Variants in FSTL3 observed in about 807,000 individuals in gnomAD.
The protein encoded by FSTL3 is follistatin-related protein 3.
A neutral mutation model predicts 28.1 loss-of-function variants in FSTL3; 21 were observed. That is an observed-to-expected ratio of 0.75 (90% CI 0.53 to 1.08). The LOEUF is 1.08. FSTL3 is among the 50% of genes least tolerant of loss of function. The probability of loss-of-function intolerance (pLI) is 0.00; values close to 1 mark genes in which losing one functional copy is unlikely to be tolerated. For missense variants in FSTL3, 400 were observed against 380.9 expected (o/e 1.05, Z -0.42); for synonymous variants, 199 against 164.2 (o/e 1.21, Z -1.62).
Position 676,459 on chromosome 19 carries a change from G to T in FSTL3, c.36G>T (p.Leu12=). ...GGGCGCCAGGGCCACTCTGGCCTCT[G>T]CCCTGGGGGGCCCTGGCTTGGGCCG... ...RPGAPGPLWP[L]PWGALAWAVG... Residue 12 remains leucine, a synonymous_variant, in exon 1 of 5, where the codon CTG becomes CTT. Transcript: ENST00000166139. 8.3e-7 allele frequency: 1 copy of T among 1,204,100 alleles called. No homozygotes were observed. 74.6% of individuals were successfully genotyped at this position (1,204,100 alleles called of 1,614,324 possible). A position where few individuals can be genotyped will look rare whatever the true frequency, so the allele number is the denominator to read the frequency against.
intron 3 of FSTL3, chr19:681,013 G>C (rs2031321484): frequency 9.8e-6 from 4 of 408,944 alleles, no homozygotes; most frequent in Non-Finnish European, 1.8e-5. Flanking sequence ...CGTGGTTCCT[G>C]GGTGGAGATG....
chr19:680,686 G>C (rs2031313451), intron 3 of FSTL3, 197 bp downstream of exon 3: 5 of 347,264 alleles, frequency 1.4e-5, no homozygotes, highest in South Asian at 1.3e-4. Flanking sequence ...GAGGGGCGGG[G>C]CCTGCTGGAG....
Position 681,693 on chromosome 19 carries a change from A to G in FSTL3, c.777A>G (p.Glu259=), listed in dbSNP as rs141034844. The change falls in exon 5 of 5, where the codon GAA becomes GAG. Residue 259 remains glutamate (E), a synonymous_variant. Transcript: ENST00000166139. The part of the protein sequence containing the change: ...EPPGGESAEE[E]ENFV ...CAGGTGGTGAGTCTGCAGAAGAGGA[A>G]GAGAACTTCGTGTGAGCCTGCAGGA... 1 of 1,562,652 alleles carries G rather than the reference A, an allele frequency of 6.4e-7. No individual in the cohort carries two copies. The highest frequency in any genetic ancestry group is 2.4e-5 in the East Asian group (1 of 42,028).
chr19:679,255 G>A (rs2031274700), intron 2 of FSTL3, among the ~76,000 whole-genome samples: 1 of 152,140 alleles, frequency 6.6e-6, no homozygotes, highest in Admixed American at 6.5e-5. Context: ...CACCCTGGCC[G>A]AGCATTTCCA....
chr19:680,252 C>T (rs1444447651), intron 2 of FSTL3, 22 bp from the exon 3 acceptor site: 5 of 1,327,082 alleles, frequency 3.8e-6, no homozygotes, highest in South Asian at 3.5e-5. Flanking sequence ...CCCGGCCCCA[C>T]GCGCGTGTCC....
In FSTL3 at chr19:681,773, C is replaced by A; in HGVS notation, c.*65C>A. 3 of 1,356,996 alleles carry A rather than the reference C, an allele frequency of 2.2e-6. No individual in the cohort carries two copies. Among genetic ancestry groups the A allele is most frequent in the Non-Finnish European group, 3.1e-6 (3 of 973,142 alleles). 84.1% of individuals were successfully genotyped at this position (1,356,996 alleles called of 1,614,324 possible). On this transcript the variant is annotated 3_prime_UTR_variant, in exon 5 of 5. Coordinates refer to ENST00000166139, the MANE Select transcript of FSTL3 (RefSeq NM_005860.3). ...CATCATCCCCTGTTATTTATTGCCACAGCAGAGTCTAATTTATATGCCACG... is the reference window on the plus strand; with the variant it reads ...CATCATCCCCTGTTATTTATTGCCAAAGCAGAGTCTAATTTATATGCCACG...
In FSTL3 at chr19:681,242, CT is replaced by C. The variant is rs989493592; in HGVS notation, c.506-89del. The C allele has an allele frequency of 4.6e-5, 42 of 906,940 alleles. No homozygotes were observed. In the Admixed American group the frequency reaches 1.1e-3, roughly 23 times the overall value. The allele number at this position is 906,940 out of a possible 1,614,324, so 56.2% of individuals were successfully genotyped here. On this transcript the variant is annotated intron_variant, in intron 3 of 4. Coordinates refer to ENST00000166139, the MANE Select transcript of FSTL3 (RefSeq NM_005860.3). The stretch of plus-strand genomic sequence containing the variant: ...GTCTCCTACCAGAGGGTTTTCGCAT[CT>C]TGGGGGTTAAGGGTGGGTCTTGGGG...
rs1600662552 is a variant in FSTL3 at position 683,017 on chromosome 19, C to T, written c.*1309C>T. Reference sequence around the variant, plus strand: ...AGACCCAGACTCCAGCCAGACCTGCCTCACCCACCAATGCAGCCGGGGCTG... The same window carrying T: ...AGACCCAGACTCCAGCCAGACCTGCTTCACCCACCAATGCAGCCGGGGCTG... On this transcript the variant is annotated 3_prime_UTR_variant, in exon 5 of 5. Coordinates refer to ENST00000166139, the MANE Select transcript of FSTL3 (RefSeq NM_005860.3). 3.4e-5 allele frequency: 8 copies of T among 233,292 alleles called. No homozygotes were observed. In the East Asian group the frequency reaches 4.8e-4, roughly 14 times the overall value. 14.5% of individuals were successfully genotyped at this position (233,292 alleles called of 1,614,324 possible).
intron 3 of FSTL3, chr19:680,828 G>A: frequency 3.9e-6 from 1 of 258,572 alleles, no homozygotes; most frequent in Non-Finnish European, 7.4e-6. Context: ...GTCTTTTGTA[G>A]GGTTGGGATT....
chr19:677,445 G>A (rs902103598), intron 1 of FSTL3, among the ~76,000 whole-genome samples: 2 of 152,008 alleles, frequency 1.3e-5, no homozygotes, highest in African/African-American at 4.8e-5. Flanking sequence ...AGGGCCTGCT[G>A]ACCCTGACAT....
At chr19:680,220 C>T in intron 2 of FSTL3, 54 bp from the exon 3 acceptor site, 1 of 1,205,126 alleles carries the variant, frequency 8.3e-7, no homozygotes, top group South Asian at 2.1e-5. Flanking sequence ...TCGCGCGGCC[C>T]CACGCCCGGG....
At position 681,442 on chromosome 19, in the gene FSTL3, C is replaced by A; in HGVS notation, c.615C>A (p.Ser205Arg). Residue 205 changes from serine (S) to arginine (R), a missense_variant, in exon 4 of 5, where the codon AGC becomes AGA. Transcript: ENST00000166139. ...CRAAPCPVPSSPGQELCGNNN... is the reference protein window; with the variant it reads ...CRAAPCPVPSRPGQELCGNNN... ...CGGCGCCCTGCCCTGTGCCCTCCAG[C>A]CCCGGCCAGGAGCTTTGCGGCAACA... 1 of 1,599,074 alleles carries A rather than the reference C, an allele frequency of 6.3e-7. No homozygotes were observed. The highest frequency in any genetic ancestry group is 8.5e-7 in the Non-Finnish European group (1 of 1,179,274).
intron 2 of FSTL3, chr19:680,006 C>CCCG (rs1555683202): frequency 6.2e-5 from 13 of 208,706 alleles, no homozygotes; most frequent in African/African-American, 2.4e-4. Context: ...CAGAGACCCC[C>CCCG]CCCCGCCCCG....
rs1719351966 is a variant in FSTL3 at position 677,848 on chromosome 19, A to G, written c.160A>G (p.Thr54Ala). 6.2e-7 allele frequency: 1 copy of G among 1,612,760 alleles called. No individual in the cohort carries two copies. The highest frequency in any genetic ancestry group is 1.7e-5 in the Admixed American group (1 of 60,002). Residue 54 changes from threonine (T) to alanine (A), a missense_variant, in exon 2 of 5, where the codon ACT becomes GCT. By Grantham distance (58) the Thr-to-Ala change is moderately conservative (BLOSUM62 0). Transcript: ENST00000166139. ...QEATCSLVLQ[T>A]DVTRAECCAS... is the part of the protein sequence containing the mutation. ...GGCCACCTGCAGCCTGGTGCTCCAG[A>G]CTGATGTCACCCGGGCCGAGTGCTG...
intron 2 of FSTL3, among the ~76,000 whole-genome samples, chr19:679,466 A>G (rs1309476440): frequency 6.6e-6 from 1 of 151,870 alleles, no homozygotes; most frequent in Non-Finnish European, 1.5e-5. Flanking sequence ...GCCCTACCAG[A>G]CCCCCAGATA....
In FSTL3 at chr19:682,665, C is replaced by T. The variant is rs2031365854; in HGVS notation, c.*957C>T. Reference sequence around the variant, plus strand: ...CACGGGCTGTGCTTGGCCACAGAACCACCCAGCGTCTCCCCTGCTGCTGTC... The same window carrying T: ...CACGGGCTGTGCTTGGCCACAGAACTACCCAGCGTCTCCCCTGCTGCTGTC... On this transcript the variant is annotated 3_prime_UTR_variant, in exon 5 of 5. Transcript: ENST00000166139. The T allele has an allele frequency of 4.3e-6, 1 of 233,356 alleles. No individual in the cohort carries two copies. Among genetic ancestry groups the T allele is most frequent in the South Asian group, 1.8e-4 (1 of 5,576 alleles). The allele number at this position is 233,356 out of a possible 1,614,324, so 14.5% of individuals were successfully genotyped here.
At chr19:681,030 GA>G (rs1472578679) in intron 3 of FSTL3, among the ~76,000 whole-genome samples, 1 of 150,714 alleles carries the variant, frequency 6.6e-6, no homozygotes, top group Non-Finnish European at 1.5e-5. Flanking sequence ...GATGGGCGGG[GA>G]TTTGTGGGTG....
At chr19:678,480 T>C (rs941901587) in intron 2 of FSTL3, among the ~76,000 whole-genome samples, 1 of 145,280 alleles carries the variant, frequency 6.9e-6, no homozygotes, top group African/African-American at 2.5e-5. Flanking sequence ...AATAAGATTC[T>C]CCGCACTGGA....
At chr19:677,715 C>G in intron 1 of FSTL3, 77 bp from the exon 2 acceptor site, 1 of 1,378,090 alleles carries the variant, frequency 7.3e-7, no homozygotes, top group South Asian at 1.3e-5. Context: ...TCAGCACCAC[C>G]TGCATGCATC....
Sources: allele counts gnomAD v4.1 joint callset (sites outside exome capture counted in the v4.1 genomes callset), GRCh38; gene constraint gnomAD v4.1.1; transcripts MANE v1.5; gene names NCBI Gene and HGNC (gene_info 2026-07-23, HGNC 2026-07-21).